Variants in PLSCR2 observed in about 807,000 individuals in gnomAD.
PLSCR2 encodes phospholipid scramblase 2.
Under a neutral mutation model 25.3 loss-of-function variants are expected in PLSCR2, and 18 were observed. The ratio of observed to expected loss-of-function variants is 0.71; its 90% CI spans 0.49 to 1.06. The LOEUF is 1.06. PLSCR2 is among the 50% of genes least tolerant of loss of function. The pLI, the probability that PLSCR2 is intolerant of heterozygous loss-of-function variation, is 0.00. For synonymous variants in PLSCR2, 88 were observed against 87.3 expected (o/e 1.01, Z -0.04); for missense variants, 243 against 269.5 (o/e 0.90, Z 0.69).
At chr3:146,397,373 A>G (rs930208157) in intron 2 of PLSCR2, among the ~76,000 whole-genome samples, 7 of 152,102 alleles carry the variant, frequency 4.6e-5, no homozygotes, top group African/African-American at 1.7e-4. Flanking sequence ...TTTAATACTG[A>G]GATTTGTGTT....
At chr3:146,478,222 C>T (rs1481044908) in intron 1 of PLSCR2, among the ~76,000 whole-genome samples, 1 of 152,180 alleles carries the variant, frequency 6.6e-6, no homozygotes. Flanking sequence ...TGGAACAAAG[C>T]TGGATGGAGA....
At chr3:146,461,875 T>G, upstream of PLSCR2, 1 of 1,371,656 alleles carries the variant, frequency 7.3e-7, no homozygotes, top group Non-Finnish European at 1.0e-6. Context: ...TGATCTCATA[T>G]ATATCTTGCG....
At chr3:146,407,799 A>G (rs949014980) in intron 2 of PLSCR2, among the ~76,000 whole-genome samples, 3 of 151,782 alleles carry the variant, frequency 2.0e-5, no homozygotes, top group Non-Finnish European at 4.4e-5. Context: ...CCTACAACAC[A>G]TCTGTCTCTG....
intron 2 of PLSCR2, among the ~76,000 whole-genome samples, chr3:146,400,464 T>C (rs2038429921): frequency 6.6e-6 from 1 of 151,512 alleles, no homozygotes; most frequent in African/African-American, 2.4e-5. Flanking sequence ...AAATGACTGT[T>C]ACTGGGAGTT....
intron 1 of PLSCR2, among the ~76,000 whole-genome samples, chr3:146,466,324 C>T (rs1048373783): frequency 5.9e-5 from 9 of 152,134 alleles, no homozygotes; most frequent in Admixed American, 4.6e-4. Flanking sequence ...GCATATGCCC[C>T]CACACCTGGG....
chr3:146,439,560 T>A (rs978805758), downstream of PLSCR2, among the ~76,000 whole-genome samples: 2 of 152,212 alleles, frequency 1.3e-5, no homozygotes, highest in African/African-American at 4.8e-5. Flanking sequence ...TTCCACTTGA[T>A]CAAATTGGGT....
At chr3:146,460,112 T>C (rs1576680609) in intron 1 of PLSCR2, 29 bp from the exon 2 acceptor site, 2 of 1,458,004 alleles carry the variant, frequency 1.4e-6, no homozygotes, top group African/African-American at 1.4e-5. Flanking sequence ...AAATAATTTG[T>C]AGCTGCCCAG....
chr3:146,398,063 T>C (rs2038332466), intron 2 of PLSCR2, among the ~76,000 whole-genome samples: 1 of 151,956 alleles, frequency 6.6e-6, no homozygotes, highest in Admixed American at 6.6e-5. Context: ...AGATGAAAGT[T>C]AGGGAAGTAT....
chr3:146,481,490 C>A (rs952675327), intron 1 of PLSCR2, among the ~76,000 whole-genome samples: 1 of 152,094 alleles, frequency 6.6e-6, no homozygotes, highest in Admixed American at 6.6e-5. Flanking sequence ...TTGCTACAAA[C>A]AGAATAAAAT....
upstream of PLSCR2, among the ~76,000 whole-genome samples, chr3:146,460,557 T>A (rs1057172981): frequency 6.6e-6 from 1 of 152,032 alleles, no homozygotes; most frequent in African/African-American, 2.4e-5. Flanking sequence ...ATCCTATATG[T>A]ATAGAAGTCA....
downstream of PLSCR2, among the ~76,000 whole-genome samples, chr3:146,428,717 C>G (rs2039439739): frequency 2.6e-5 from 4 of 152,322 alleles, no homozygotes; most frequent in South Asian, 8.3e-4. Flanking sequence ...AAAACAGTCT[C>G]TAGCCCAGAT....
chr3:146,407,076 T>C (rs2038680903), intron 2 of PLSCR2, among the ~76,000 whole-genome samples: 2 of 152,188 alleles, frequency 1.3e-5, no homozygotes, highest in Admixed American at 6.5e-5. Context: ...TTATTCTAAG[T>C]AGGGCTAAAA....
chr3:146,439,193 T>C (rs901474507), downstream of PLSCR2, among the ~76,000 whole-genome samples: 58 of 152,354 alleles, frequency 3.8e-4, no homozygotes, highest in Non-Finnish European at 6.2e-4. Flanking sequence ...CCTTTCTCTC[T>C]GGCTGCCCTT....
chr3:146,432,048 A>C (rs531804621), downstream of PLSCR2, among the ~76,000 whole-genome samples: 1 of 152,202 alleles, frequency 6.6e-6, no homozygotes, highest in African/African-American at 2.4e-5. Flanking sequence ...CATTCTCTAA[A>C]ATGTTACTCA....
At chr3:146,415,430 T>A (rs140778383) in intron 2 of PLSCR2, among the ~76,000 whole-genome samples, 108 of 152,206 alleles carry the variant, frequency 7.1e-4, no homozygotes, top group African/African-American at 2.3e-3. Flanking sequence ...GTTAACATAC[T>A]CAATAATTTG....
chr3:146,483,587 G>C (rs956768955), intron 1 of PLSCR2, among the ~76,000 whole-genome samples: 19 of 148,310 alleles, frequency 1.3e-4, no homozygotes, highest in Admixed American at 2.0e-4. Context: ...CATCTTTGCT[G>C]TTTGCTGTTC....
intron 2 of PLSCR2, among the ~76,000 whole-genome samples, chr3:146,426,255 C>T (rs1031563360): frequency 7.1e-6 from 1 of 141,110 alleles, no homozygotes; most frequent in African/African-American, 2.7e-5. Flanking sequence ...CCCTCTCTCC[C>T]TCCTTCCTTC....
chr3:146,444,912 T>G (rs1011634406), intron 6 of PLSCR2, among the ~76,000 whole-genome samples: 13 of 152,184 alleles, frequency 8.5e-5, no homozygotes, highest in Non-Finnish European at 1.5e-4. Context: ...TGCTTTTGAT[T>G]CTGTATGTAT....
At chr3:146,448,553 A>G (rs2108301630) in intron 6 of PLSCR2, among the ~76,000 whole-genome samples, 1 of 152,304 alleles carries the variant, frequency 6.6e-6, no homozygotes, top group South Asian at 2.1e-4. Flanking sequence ...TGTGTAGCTA[A>G]GGTTGAAGAC....
Sources: gnomAD v4.1 joint callset for allele counts (sites outside exome capture counted in the v4.1 genomes callset) on GRCh38, gnomAD v4.1.1 for gene constraint, MANE v1.5 for transcripts, NCBI Gene and HGNC (gene_info 2026-07-23, HGNC 2026-07-21) for gene names.